Variants in MFSD8 observed in about 807,000 individuals in gnomAD.
The protein encoded by MFSD8 is major facilitator superfamily domain containing 8, also known as major facilitator superfamily domain-containing protein 8.
In MFSD8, 55 loss-of-function variants were observed where a neutral mutation model predicts 66.4. That is an observed-to-expected ratio of 0.83 (90% CI 0.67 to 1.04). The LOEUF (loss-of-function observed/expected upper bound fraction) is 1.04. Ranked by LOEUF, MFSD8 falls within the 50% of genes least tolerant of loss-of-function variation. The probability of loss-of-function intolerance (pLI) is 0.00; values close to 1 mark genes in which losing one functional copy is unlikely to be tolerated. For missense variants in MFSD8, 550 were observed against 627.6 expected (o/e 0.88, Z 1.32); for synonymous variants, 202 against 212.8 (o/e 0.95, Z 0.44).
chr4:127,944,953 A>G (rs1476509015), intron 3 of MFSD8, among the ~76,000 whole-genome samples: 1 of 152,316 alleles, frequency 6.6e-6, no homozygotes, highest in Middle Eastern at 3.4e-3. Context: ...TTGGCCTCCC[A>G]AAATATTGGG....
Position 127,953,305 on chromosome 4 carries a change from A to T in MFSD8, c.155-3458T>A, listed in dbSNP as rs547065500. ...GGAGTTCAAGACCAGCCTGACCAAC[A>T]TGGAGAAACCCCGTCTCTACTAAAA... On this transcript the variant is annotated intron_variant, in intron 2 of 11. Transcript: ENST00000641686. Among the ~76,000 whole-genome samples, 7 of 151,904 alleles carry T rather than the reference A, an allele frequency of 4.6e-5. No individual in the cohort carries two copies. The South Asian group carries it at 1.0e-3, about 23-fold the overall frequency.
At chr4:127,920,967 C>T (rs755368855) in intron 11 of MFSD8, 131 bp from the exon 12 acceptor site, 22 of 803,550 alleles carry the variant, frequency 2.7e-5, no homozygotes, top group Non-Finnish European at 4.1e-5. Context: ...TTAAATTAAA[C>T]ATAAAATGCC....
At chr4:127,936,053 C>T (rs1739018869) in intron 7 of MFSD8, among the ~76,000 whole-genome samples, 1 of 151,610 alleles carries the variant, frequency 6.6e-6, no homozygotes, top group African/African-American at 2.4e-5. Context: ...TAAATATGTT[C>T]TGTGCCATAT....
chr4:127,956,531 A>G (rs1216862431), intron 2 of MFSD8, among the ~76,000 whole-genome samples: 7 of 149,642 alleles, frequency 4.7e-5, no homozygotes, highest in African/African-American at 7.4e-5. Context: ...AAGATGAAAT[A>G]TTTTTAACTG....
At chr4:127,920,876 G>C in intron 11 of MFSD8, 40 bp from the exon 12 acceptor site, 2 of 1,582,988 alleles carry the variant, frequency 1.3e-6, no homozygotes, top group Non-Finnish European at 8.6e-7. Context: ...ATTGATATTG[G>C]GGTTTAGTTA....
intron 9 of MFSD8, among the ~76,000 whole-genome samples, chr4:127,922,866 GATTC>G (rs1736546130): frequency 6.6e-6 from 1 of 152,058 alleles, no homozygotes; most frequent in Non-Finnish European, 1.5e-5. Context: ...ATTTTGTAAT[GATTC>G]ATTAATGAAT....
In MFSD8 at chr4:127,920,654, T is replaced by C. The variant is rs2148836761; in HGVS notation, c.1533A>G (p.Val511=). 6.8e-6 allele frequency: 11 copies of C among 1,614,018 alleles called. No homozygotes were observed. Among genetic ancestry groups the C allele is most frequent in the Non-Finnish European group, 9.3e-6 (11 of 1,179,994 alleles). ...TTTATTCCTGAATCCTCCCATATCT[T>C]ACAGAAAGAGCAATGAGTCTTTTGT... The part of the protein sequence containing the change: ...VVYKRLIALS[V]RYGRIQE Residue 511 remains valine, a synonymous_variant, in exon 12 of 12, where the codon GTA becomes GTG. Transcript: ENST00000641686.
rs1553946656 is a variant in MFSD8 at position 127,930,682 on chromosome 4, C to T, written c.998+1G>A. ...CATAAAACCAAAAACACTTAACTTA[C>T]TTTTTGGAAAGCAACTTAACTCCTA... On this transcript the variant is annotated splice_donor_variant, in intron 9 of 11. Transcript: ENST00000641686. LOFTEE classifies it high-confidence loss of function. 1 of 1,613,210 alleles carries T rather than the reference C, an allele frequency of 6.2e-7. No individual in the cohort carries two copies. The highest frequency in any genetic ancestry group is 8.5e-7 in the Non-Finnish European group (1 of 1,179,676).
At chr4:127,964,110 ATCCCTGAGCTAGACATAAACGT>A (rs1242397579) in intron 1 of MFSD8, among the ~76,000 whole-genome samples, 26 of 152,190 alleles carry the variant, frequency 1.7e-4, no homozygotes, top group Non-Finnish European at 3.1e-4. Flanking sequence ...TGTAGTTACA[ATCCCTGAGCTAGACATAAACGT>A]TCTCCACGTC....
intron 1 of MFSD8, among the ~76,000 whole-genome samples, chr4:127,959,120 T>C (rs1390328930): frequency 2.0e-5 from 3 of 152,252 alleles, no homozygotes; most frequent in East Asian, 1.9e-4. Context: ...TGGCATCCTG[T>C]ACCTTTTGAT....
chr4:127,959,666 C>T (rs1268733801), intron 1 of MFSD8, among the ~76,000 whole-genome samples: 4 of 152,086 alleles, frequency 2.6e-5, no homozygotes, highest in African/African-American at 9.7e-5. Flanking sequence ...AAGATTTCGG[C>T]AGTGTGGAAA....
intron 9 of MFSD8, among the ~76,000 whole-genome samples, chr4:127,924,822 C>T (rs1578810566): frequency 6.6e-6 from 1 of 152,238 alleles, no homozygotes; most frequent in East Asian, 1.9e-4. Context: ...GAAGACATCA[C>T]AATACCTGAC....
At chr4:127,926,599 T>TTGC (rs1460582081) in intron 9 of MFSD8, among the ~76,000 whole-genome samples, 1 of 152,128 alleles carries the variant, frequency 6.6e-6, no homozygotes, top group African/African-American at 2.4e-5. Flanking sequence ...AGCACTGCTC[T>TTGC]ACTTCTGTAG....
At chr4:127,941,380 T>C (rs1470919762) in intron 5 of MFSD8, among the ~76,000 whole-genome samples, 1 of 152,226 alleles carries the variant, frequency 6.6e-6, no homozygotes, top group Non-Finnish European at 1.5e-5. Context: ...ACCAATTATA[T>C]GGTTTTTCAA....
intron 3 of MFSD8, among the ~76,000 whole-genome samples, chr4:127,946,828 T>C (rs544037441): frequency 6.6e-6 from 1 of 150,508 alleles, no homozygotes; most frequent in East Asian, 2.0e-4. Context: ...GGCAGGAGAA[T>C]CACTTGAACC....
chr4:127,937,321 C>T (rs1475373363), intron 7 of MFSD8, among the ~76,000 whole-genome samples: 1 of 152,172 alleles, frequency 6.6e-6, no homozygotes, highest in African/African-American at 2.4e-5. Context: ...TCTAACCTCC[C>T]TTCCTAAATT....
intron 3 of MFSD8, among the ~76,000 whole-genome samples, chr4:127,947,721 G>C (rs776333594): frequency 8.5e-5 from 13 of 152,076 alleles, no homozygotes; most frequent in Non-Finnish European, 1.9e-4. Flanking sequence ...AAGCATTCCA[G>C]TAAAAAGGGA....
intron 3 of MFSD8, among the ~76,000 whole-genome samples, chr4:127,948,943 A>T (rs1741508519): frequency 6.6e-6 from 1 of 152,238 alleles, no homozygotes; most frequent in Non-Finnish European, 1.5e-5. Context: ...GTATTCTGTT[A>T]TAAGCAACAG....
rs1742185710 is a variant in MFSD8 at position 127,952,659 on chromosome 4, C to A, written c.155-2812G>T. On this transcript the variant is annotated intron_variant, in intron 2 of 11. Coordinates refer to ENST00000641686, the MANE Select transcript of MFSD8 (RefSeq NM_001371596.2). ...CTGCGGCAGGCAGATCATTTGAAGTCAGGAGTTCAAGACCAGCAATGGCAA... is the reference window on the plus strand; with the variant it reads ...CTGCGGCAGGCAGATCATTTGAAGTAAGGAGTTCAAGACCAGCAATGGCAA... Among the ~76,000 whole-genome samples, 3 of 152,188 alleles carry A rather than the reference C, an allele frequency of 2.0e-5. No homozygotes were observed. The South Asian group carries it at 6.2e-4, about 32-fold the overall frequency.
Sources: gnomAD v4.1 joint callset for allele counts (sites outside exome capture counted in the v4.1 genomes callset) on GRCh38, gnomAD v4.1.1 for gene constraint, MANE v1.5 for transcripts, NCBI Gene and HGNC (gene_info 2026-07-23, HGNC 2026-07-21) for gene names.